DPYD: variants seen among roughly 807,000 people sequenced by gnomAD.
DPYD encodes the protein dihydropyrimidine dehydrogenase, also known as dihydropyrimidine dehydrogenase [NADP(+)].
DPYD carries 109 observed loss-of-function variants against 116.2 expected under a neutral mutation model. That is an observed-to-expected ratio of 0.94 (90% CI 0.80 to 1.10). DPYD has a LOEUF of 1.10. Ranked by LOEUF, DPYD falls within the 50% of genes least tolerant of loss-of-function variation. The pLI is 0.00. For missense variants in DPYD, 1,302 were observed against 1,254.5 expected (o/e 1.04, Z -0.57); for synonymous variants, 440 against 432.0 (o/e 1.02, Z -0.23).
intron 18 of DPYD, among the ~76,000 whole-genome samples, chr1:97,298,104 A>G (rs1234177239): frequency 2.0e-5 from 3 of 152,166 alleles, no homozygotes; most frequent in African/African-American, 4.8e-5. Flanking sequence ...ATCAAATACT[A>G]TACCCCTCTA....
chr1:97,228,039 C>T (rs1022880608), intron 19 of DPYD, among the ~76,000 whole-genome samples: 1 of 151,378 alleles, frequency 6.6e-6, no homozygotes, highest in African/African-American at 2.4e-5. Flanking sequence ...TTTCCCACAG[C>T]ACTTATCTTA....
At chr1:97,226,289 T>C (rs1303442131) in intron 19 of DPYD, among the ~76,000 whole-genome samples, 1 of 152,078 alleles carries the variant, frequency 6.6e-6, no homozygotes, top group African/African-American at 2.4e-5. Context: ...TCACAGTCAA[T>C]AGTGAAAAGT....
chr1:97,462,532 A>G (rs1677086178), intron 13 of DPYD, among the ~76,000 whole-genome samples: 1 of 152,144 alleles, frequency 6.6e-6, no homozygotes. Flanking sequence ...GGGGCTGGAC[A>G]TGCCTCATTC....
chr1:97,824,620 A>G (rs940718281), intron 3 of DPYD, among the ~76,000 whole-genome samples: 1 of 152,190 alleles, frequency 6.6e-6, no homozygotes, highest in East Asian at 1.9e-4. Flanking sequence ...AGGTCTGGGC[A>G]GCATTGGTCT....
chr1:97,822,869 G>T (rs549976570), intron 3 of DPYD, among the ~76,000 whole-genome samples: 1 of 152,186 alleles, frequency 6.6e-6, no homozygotes, highest in African/African-American at 2.4e-5. Context: ...ATTTCCAAGG[G>T]TTACTTAATC....
At chr1:97,454,452 T>C (rs1052460350) in intron 13 of DPYD, among the ~76,000 whole-genome samples, 2 of 151,806 alleles carry the variant, frequency 1.3e-5, no homozygotes, top group Non-Finnish European at 2.9e-5. Context: ...AATAAACATA[T>C]TCAAGAATAG....
chr1:97,323,893 G>A (rs28468570), intron 16 of DPYD, among the ~76,000 whole-genome samples: 48,133 of 151,280 alleles, frequency 0.32, 7,868 homozygotes, highest in Middle Eastern at 0.37. Context: ...TCCCCATTTC[G>A]CAAGTCTTTG....
At chr1:97,690,736 A>T (rs555835031) in intron 7 of DPYD, among the ~76,000 whole-genome samples, 171 of 152,094 alleles carry the variant, frequency 1.1e-3, no homozygotes, top group Non-Finnish European at 1.4e-3. Context: ...TGAACACTGT[A>T]ATTTTGAACA....
At chr1:97,472,625 T>A (rs1331572616) in intron 13 of DPYD, among the ~76,000 whole-genome samples, 1 of 152,228 alleles carries the variant, frequency 6.6e-6, no homozygotes, top group East Asian at 1.9e-4. Context: ...CCAGTAAGCC[T>A]GTAAGTTCAC....
intron 2 of DPYD, among the ~76,000 whole-genome samples, chr1:97,840,262 C>T (rs114821792): frequency 1.3e-3 from 199 of 151,812 alleles, no homozygotes; most frequent in Non-Finnish European, 1.5e-3. Context: ...AAACCCAGAA[C>T]ACCCTCTCCC....
At chr1:97,480,172 A>ATATACCTAC in intron 13 of DPYD, among the ~76,000 whole-genome samples, 1 of 152,338 alleles carries the variant, frequency 6.6e-6, no homozygotes, top group Non-Finnish European at 1.5e-5. Context: ...GATACTAAAA[A>ATATACCTAC]TATACCTACT....
At chr1:97,379,972 C>T (rs990598342) in intron 15 of DPYD, among the ~76,000 whole-genome samples, 2 of 152,186 alleles carry the variant, frequency 1.3e-5, no homozygotes, top group African/African-American at 4.8e-5. Flanking sequence ...CACCATATTG[C>T]ACTTGTTTTC....
intron 14 of DPYD, among the ~76,000 whole-genome samples, chr1:97,409,569 TA>T (rs773636086): frequency 6.6e-5 from 10 of 152,196 alleles, no homozygotes; most frequent in Non-Finnish European, 1.5e-4. Flanking sequence ...CAAGGACTTG[TA>T]AAAACACACA....
chr1:97,311,517 G>C (rs932250358), intron 16 of DPYD, among the ~76,000 whole-genome samples: 1 of 151,702 alleles, frequency 6.6e-6, no homozygotes. Context: ...GGGGGGTTGG[G>C]GGAAAGTCAA....
chr1:97,596,670 G>A (rs1034972971), intron 8 of DPYD, among the ~76,000 whole-genome samples: 21 of 152,148 alleles, frequency 1.4e-4, no homozygotes, highest in Admixed American at 2.6e-4. Context: ...AAGCATAGCC[G>A]AAGGATGACT....
At chr1:97,606,322 G>A (rs2100736809) in intron 8 of DPYD, among the ~76,000 whole-genome samples, 1 of 151,972 alleles carries the variant, frequency 6.6e-6, no homozygotes, top group East Asian at 1.9e-4. Flanking sequence ...TAGCTTCTGG[G>A]GTAGTAGGAA....
At chr1:97,345,896 A>G (rs190236196) in intron 16 of DPYD, among the ~76,000 whole-genome samples, 1 of 151,900 alleles carries the variant, frequency 6.6e-6, no homozygotes, top group African/African-American at 2.4e-5. Context: ...TATTTTAATG[A>G]TTTTTTTTAC....
chr1:97,508,296 C>T (rs556171242), intron 13 of DPYD, among the ~76,000 whole-genome samples: 1 of 151,864 alleles, frequency 6.6e-6, no homozygotes, highest in Non-Finnish European at 1.5e-5. Flanking sequence ...AAAAAAGAGC[C>T]AGTCATATAA....
Position 97,700,233 on chromosome 1 carries a change from G to C in DPYD, c.484-686C>G, listed in dbSNP as rs375623291. On this transcript the variant is annotated intron_variant, in intron 5 of 22. Transcript: ENST00000370192. The stretch of plus-strand genomic sequence containing the variant: ...GCATCTTGAAGAGAACCACAGCTCA[G>C]AAAAGAGATGTTGGCAGTCTTTTGA... 30 of 455,908 alleles carry C rather than the reference G, an allele frequency of 6.6e-5. 1 individual carries two copies. The East Asian group carries it at 7.7e-4, about 12-fold the overall frequency. 28.2% of individuals were successfully genotyped at this position (455,908 alleles called of 1,614,324 possible).
Sources: allele counts gnomAD v4.1 joint callset (sites outside exome capture counted in the v4.1 genomes callset), GRCh38; gene constraint gnomAD v4.1.1; transcripts MANE v1.5; gene names NCBI Gene and HGNC (gene_info 2026-07-23, HGNC 2026-07-21).